The following EPG5 variants were observed in gnomAD, a reference collection of about 807,000 sequenced individuals.
EPG5 encodes ectopic P granules protein 5 homolog.
A neutral mutation model predicts 302.7 loss-of-function variants in EPG5; 159 were observed. The observed-to-expected ratio is 0.53, with a 90% confidence interval of 0.46 to 0.60. The LOEUF (loss-of-function observed/expected upper bound fraction) is 0.60. Ranked by LOEUF, EPG5 falls within the 20% of genes least tolerant of loss-of-function variation. EPG5 has a pLI of 0.00. For missense variants in EPG5, 2,896 were observed against 3,092.4 expected (o/e 0.94, Z 1.51); for synonymous variants, 1,158 against 1,136.8 (o/e 1.02, Z -0.37).
intron 27 of EPG5, among the ~76,000 whole-genome samples, chr18:45,896,562 T>G (rs1203704212): frequency 1.3e-5 from 2 of 152,178 alleles, no homozygotes; most frequent in African/African-American, 4.8e-5. Context: ...TTTTTTTTCT[T>G]GAGACAGGGT....
chr18:45,951,345 T>C (rs2050905192), intron 3 of EPG5, 107 bp from the exon 4 acceptor site: 1 of 764,010 alleles, frequency 1.3e-6, no homozygotes, highest in Admixed American at 4.1e-5. Flanking sequence ...AAATATTTAG[T>C]GCAGATAAAA....
intron 40 of EPG5, among the ~76,000 whole-genome samples, chr18:45,859,517 G>A (rs1039139220): frequency 1.3e-5 from 2 of 152,196 alleles, no homozygotes; most frequent in African/African-American, 4.8e-5. Flanking sequence ...CTGGATATCA[G>A]AGTTGAGAAG....
rs766290238 is a variant in EPG5 at position 45,852,641 on chromosome 18, A to C, written c.7566T>G (p.Asn2522Lys). Residue 2522 changes from asparagine to lysine, a missense_variant, in exon 44 of 44, where the codon AAT becomes AAG. By Grantham distance (94) the Asn-to-Lys change is moderately conservative (BLOSUM62 0). Around this residue, in one of 5 missense-constraint regions of EPG5, gnomAD observed 620 missense variants for 704.2 expected, o/e 0.88. Transcript: ENST00000282041. ...HLTPKAQQAL[N>K]ALESMASSKQ... ...TACTTGATGCCATGGATTCAAGAGC[A>C]TTCAGAGCCTAAAAGACACGGAAGA... 5 of 1,614,042 alleles carry C rather than the reference A, an allele frequency of 3.1e-6. No homozygotes were observed. The East Asian group carries it at 1.1e-4, about 36-fold the overall frequency.
intron 1 of EPG5, among the ~76,000 whole-genome samples, chr18:45,955,782 T>C (rs56133332): frequency 0.024 from 3,590 of 152,208 alleles, 145 homozygotes; most frequent in African/African-American, 0.082. Context: ...ACATAACAAT[T>C]GTAGTACTGG....
intron 41 of EPG5, 78 bp from the exon 42 acceptor site, chr18:45,858,146 G>A: frequency 9.4e-7 from 1 of 1,058,782 alleles, no homozygotes; most frequent in South Asian, 1.4e-5. Flanking sequence ...CCACATCAGA[G>A]TTTGAAGGAT....
chr18:45,835,818 A>G, the EPG5 span, among the ~76,000 whole-genome samples: 3 of 152,142 alleles, frequency 2.0e-5, no homozygotes, highest in Non-Finnish European at 4.4e-5. Context: ...TAGAGCACAC[A>G]CCTGGAGCCC....
chr18:45,894,242 C>T (rs1172613376), intron 27 of EPG5, among the ~76,000 whole-genome samples: 1 of 151,984 alleles, frequency 6.6e-6, no homozygotes, highest in African/African-American at 2.4e-5. Flanking sequence ...GGTGGATCAC[C>T]TGAGGTCAGC....
chr18:45,876,432 A>G, intron 34 of EPG5, 90 bp from the exon 35 acceptor site: 1 of 1,004,676 alleles, frequency 1.0e-6, no homozygotes, highest in Non-Finnish European at 1.6e-6. Flanking sequence ...AAGTCCTGGA[A>G]GCCTGTCCAT....
chr18:45,814,998 A>T, the EPG5 span, among the ~76,000 whole-genome samples: 1 of 152,182 alleles, frequency 6.6e-6, no homozygotes, highest in African/African-American at 2.4e-5. Flanking sequence ...AGTGCTGACC[A>T]TGGCCTCAGA....
chr18:45,868,667 C>G (rs1391990856), intron 36 of EPG5, among the ~76,000 whole-genome samples: 1 of 151,216 alleles, frequency 6.6e-6, no homozygotes, highest in Admixed American at 6.6e-5. Context: ...CCGCGCCCGG[C>G]CTATATTCCC....
At chr18:45,804,405 A>T in the EPG5 span, among the ~76,000 whole-genome samples, 1 of 152,212 alleles carries the variant, frequency 6.6e-6, no homozygotes, top group Non-Finnish European at 1.5e-5. Context: ...TTGGCAAAAG[A>T]CATAAATTTA....
chr18:45,839,016 C>G, the EPG5 span: 1 of 1,587,066 alleles, frequency 6.3e-7, no homozygotes, highest in Non-Finnish European at 8.5e-7. Context: ...CGACGGTCGC[C>G]CTCCTGCTCG....
chr18:45,967,066 A>C (rs2051280864), intron 1 of EPG5, 111 bp downstream of exon 1: 1 of 1,019,534 alleles, frequency 9.8e-7, no homozygotes, highest in Non-Finnish European at 1.4e-6. Context: ...TGGAGGCGGA[A>C]GATGCAGAGG....
In EPG5 at chr18:45,889,800, G is replaced by C; in HGVS notation, c.4950C>G (p.Ile1650Met). The C allele has an allele frequency of 6.3e-7, 1 of 1,597,842 alleles. No individual in the cohort carries two copies. The highest frequency in any genetic ancestry group is 8.5e-7 in the Non-Finnish European group (1 of 1,172,512). Residue 1650 changes from isoleucine to methionine, a missense_variant and splice_region_variant, in exon 28 of 44, where the codon ATC (isoleucine) becomes ATG (methionine). This residue lies in a region of EPG5 where 790 missense variants were observed against 798.0 expected (regional missense o/e 0.99). Transcript: ENST00000282041. ...VEAAVHAENL[I>M]TALVNAYKLQ... ...ATTATAATGCCTGCAAAACTTACGTGATCAAGTTTTCTGCATGTACAGCAG... is the reference window on the plus strand; with the variant it reads ...ATTATAATGCCTGCAAAACTTACGTCATCAAGTTTTCTGCATGTACAGCAG...
In EPG5 at chr18:45,922,072, G is replaced by A. The variant is rs139388438; in HGVS notation, c.3098+269C>T. Among the ~76,000 whole-genome samples the A allele has an allele frequency of 1.9e-3, 287 of 151,560 alleles. 1 individual carries two copies. In the Middle Eastern group the frequency reaches 0.028, roughly 15 times the overall value. Reference sequence around the variant, plus strand: ...ATCACAATTCTGAGGAAGACAGTACGAATCTACTGCTGACACGAACATTCC... The same window carrying A: ...ATCACAATTCTGAGGAAGACAGTACAAATCTACTGCTGACACGAACATTCC... On this transcript the variant is annotated intron_variant, in intron 16 of 43. Coordinates refer to ENST00000282041, the MANE Select transcript of EPG5 (RefSeq NM_020964.3).
Position 45,880,197 on chromosome 18 carries a change from C to CTGAGCTCTCAGA in EPG5, c.5544_5545insTCTGAGAGCTCA (p.Pro1848_Glu1849insSerGluSerSer). 1 of 1,606,962 alleles carries CTGAGCTCTCAGA rather than the reference C, an allele frequency of 6.2e-7. No individual in the cohort carries two copies. ...GCTCTCAGAGTGGCCTTCCAACACT[C>CTGAGCTCTCAGA]GGGGCTCAGAAGCTGCTCCGCGGAG... On this transcript the variant is annotated inframe_insertion, in exon 32 of 44. Transcript: ENST00000282041.
chr18:45,950,317 T>C (rs1020002996), intron 4 of EPG5, among the ~76,000 whole-genome samples: 13 of 152,334 alleles, frequency 8.5e-5, no homozygotes, highest in African/African-American at 3.1e-4. Context: ...CAGAATAAGA[T>C]AGAATTCTTC....
intron 41 of EPG5, 30 bp from the exon 42 acceptor site, chr18:45,858,098 T>G: frequency 6.4e-7 from 1 of 1,573,512 alleles, no homozygotes; most frequent in Non-Finnish European, 8.7e-7. Context: ...AAAATAAAAT[T>G]AGAAGTAAAT....
chr18:45,880,194 ACTCGGGGCTCAGAAGCTG>A lies in EPG5; in HGVS notation c.5530_5547del (p.Gln1844_Glu1849del). ...AGGGCTCTCAGAGTGGCCTTCCAAC[ACTCGGGGCTCAGAAGCTG>A]CTCCGCGGAGCCTGCCAGCAGGGAC... On this transcript the variant is annotated inframe_deletion, in exon 32 of 44. Transcript: ENST00000282041. 2 of 1,607,542 alleles carry A rather than the reference ACTCGGGGCTCAGAAGCTG, an allele frequency of 1.2e-6. No homozygotes were observed. The highest frequency in any genetic ancestry group is 1.7e-6 in the Non-Finnish European group (2 of 1,176,008).
Sources: allele counts gnomAD v4.1 joint callset (sites outside exome capture counted in the v4.1 genomes callset), GRCh38; gene constraint gnomAD v4.1.1; regional missense constraint gnomAD v4.1.1; transcripts MANE v1.5; gene names NCBI Gene and HGNC (gene_info 2026-07-23, HGNC 2026-07-21).